Variants in PRRX2 observed in about 807,000 individuals in gnomAD.
PRRX2 encodes the protein paired related homeobox 2.
Under a neutral mutation model 18.0 loss-of-function variants are expected in PRRX2, and 11 were observed. The observed-to-expected ratio is 0.61, with a 90% CI of 0.39 to 1.01. The LOEUF (loss-of-function observed/expected upper bound fraction) is 1.01. Ranked by LOEUF, PRRX2 falls within the 50% of genes least tolerant of loss-of-function variation. PRRX2 has a pLI of 0.01. For synonymous variants in PRRX2, 177 were observed against 154.8 expected (o/e 1.14, Z -1.06); for missense variants, 387 against 351.0 (o/e 1.10, Z -0.82).
chr9:129,674,303 C>G (rs1564144700), intron 1 of PRRX2, among the ~76,000 whole-genome samples: 1 of 152,126 alleles, frequency 6.6e-6, no homozygotes, highest in Non-Finnish European at 1.5e-5. Flanking sequence ...GATATCTTTC[C>G]TTGTGTCCTA....
Position 129,715,726 on chromosome 9 carries a change from A to C in PRRX2, c.260-3505A>C, listed in dbSNP as rs1588175896. ...CCCTCGGTTGAGAAGCAGTGGTCCA[A>C]ACCCAGCTTCAGGGACATCTTTCTC... On this transcript the variant is annotated intron_variant, in intron 1 of 3. Transcript: ENST00000372469. This position sits in a 1 kb window ranked among gnomAD's most constrained non-coding sequence, Gnocchi z 4.0. Among the ~76,000 whole-genome samples, 1 of 146,372 alleles carries C rather than the reference A, an allele frequency of 6.8e-6. No individual in the cohort carries two copies. Among genetic ancestry groups the C allele is most frequent in the Admixed American group, 6.9e-5 (1 of 14,432 alleles).
At chr9:129,705,859 T>C (rs1832550754) in intron 1 of PRRX2, among the ~76,000 whole-genome samples, 1 of 151,512 alleles carries the variant, frequency 6.6e-6, no homozygotes, top group Non-Finnish European at 1.5e-5. Context: ...GTGGATCGCC[T>C]GAGGTCAGGA....
chr9:129,677,786 A>G (rs1832179340), intron 1 of PRRX2, among the ~76,000 whole-genome samples: 1 of 152,218 alleles, frequency 6.6e-6, no homozygotes, highest in South Asian at 2.1e-4. Context: ...TCAGGGCTCA[A>G]AGCGGGAAAT....
At chr9:129,697,698 C>T (rs1042441997) in intron 1 of PRRX2, among the ~76,000 whole-genome samples, 94 of 152,040 alleles carry the variant, frequency 6.2e-4, no homozygotes, top group Non-Finnish European at 1.1e-3. Context: ...AAGCCACCCA[C>T]GAGACGGGTG....
At chr9:129,673,651 G>GCC (rs1419005313) in intron 1 of PRRX2, among the ~76,000 whole-genome samples, 2 of 93,178 alleles carry the variant, frequency 2.1e-5, no homozygotes, top group East Asian at 4.4e-4. Context: ...TACCCCCCAT[G>GCC]CCACACACAC....
chr9:129,720,968 G>A (rs561296532), intron 3 of PRRX2, among the ~76,000 whole-genome samples, 194 bp downstream of exon 3: 2 of 152,250 alleles, frequency 1.3e-5, no homozygotes, highest in Non-Finnish European at 2.9e-5. Flanking sequence ...GCACGTGCAT[G>A]TTGTAAGAGT....
At chr9:129,672,130 GAAGGGGACCTTGGGGGTGATTT>G (rs1332535333) in intron 1 of PRRX2, among the ~76,000 whole-genome samples, 1 of 152,152 alleles carries the variant, frequency 6.6e-6, no homozygotes, top group African/African-American at 2.4e-5. Flanking sequence ...ACCCAGGGTG[GAAGGGGACCTTGGGGGTGATTT>G]AAGGGGACCC....
chr9:129,667,491 T>G (rs987883272), intron 1 of PRRX2, among the ~76,000 whole-genome samples: 1 of 149,952 alleles, frequency 6.7e-6, no homozygotes, highest in Non-Finnish European at 1.5e-5. Context: ...ACTCCAGGGG[T>G]TGGGAAGAGA....
At position 129,665,891 on chromosome 9, in the gene PRRX2, C is replaced by T; in HGVS notation, c.24C>T (p.Phe8=). 3.7e-6 allele frequency: 4 copies of T among 1,081,314 alleles called. No homozygotes were observed. Among genetic ancestry groups the T allele is most frequent in the Non-Finnish European group, 4.5e-6 (4 of 896,854 alleles). 67.0% of individuals were successfully genotyped at this position (1,081,314 alleles called of 1,614,324 possible). A position where few individuals can be genotyped will look rare whatever the true frequency, so the allele number is the denominator to read the frequency against. MDSAAAA[F]ALDKPALGPG... ...GCATGGACAGCGCGGCCGCCGCCTT[C>T]GCCCTGGACAAGCCGGCGCTGGGCC... The change falls in exon 1 of 4, where the codon TTC becomes TTT. Residue 8 remains phenylalanine (F), a synonymous_variant. Coordinates refer to ENST00000372469, the MANE Select transcript of PRRX2 (RefSeq NM_016307.4). This position sits in a 1 kb window ranked among gnomAD's most constrained non-coding sequence, Gnocchi z 5.3.
At chr9:129,722,086 C>T in intron 3 of PRRX2, 131 bp from the exon 4 acceptor site, 1 of 1,322,482 alleles carries the variant, frequency 7.6e-7, no homozygotes, top group Non-Finnish European at 1.0e-6. Context: ...CCAAATCACC[C>T]CCAGTCCTGG....
intron 1 of PRRX2, among the ~76,000 whole-genome samples, chr9:129,711,903 A>C (rs1163119083): frequency 1.3e-5 from 2 of 152,082 alleles, no homozygotes; most frequent in African/African-American, 2.4e-5. Context: ...GTCCTTGCTG[A>C]TGATGCCAGG....
At position 129,704,305 on chromosome 9, in the gene PRRX2, C is replaced by T. The variant is rs139393609; in HGVS notation, c.260-14926C>T. ...ATGTCCTTGGGAGAGCCCTGGGCCA[C>T]GCCATCCTCACTGAGCCACCTGAGA... is the stretch of plus-strand genomic sequence containing the variant. On this transcript the variant is annotated intron_variant, in intron 1 of 3. Transcript: ENST00000372469. Among the ~76,000 whole-genome samples the T allele has an allele frequency of 3.3e-3, 503 of 152,256 alleles. 2 individuals carry two copies. Among genetic ancestry groups the T allele is most frequent in the Non-Finnish European group, 4.9e-3 (334 of 68,012 alleles).
At chr9:129,686,590 C>T (rs1832301750) in intron 1 of PRRX2, among the ~76,000 whole-genome samples, 1 of 152,148 alleles carries the variant, frequency 6.6e-6, no homozygotes, top group Non-Finnish European at 1.5e-5. Flanking sequence ...ACCTCAGCCT[C>T]CTAAAGCTCT....
At chr9:129,684,418 C>T (rs553384327) in intron 1 of PRRX2, among the ~76,000 whole-genome samples, 1 of 105,580 alleles carries the variant, frequency 9.5e-6, no homozygotes, top group East Asian at 2.5e-4. Flanking sequence ...GAGAGACACA[C>T]ACAGATACAA....
intron 1 of PRRX2, among the ~76,000 whole-genome samples, chr9:129,703,278 G>A (rs568448984): frequency 8.1e-4 from 123 of 152,314 alleles, no homozygotes; most frequent in Middle Eastern, 3.4e-3. Context: ...CAATTAAGCC[G>A]CAGGAGTCTG....
intron 3 of PRRX2, among the ~76,000 whole-genome samples, chr9:129,721,876 T>A (rs1037348384): frequency 5.9e-5 from 9 of 151,878 alleles, no homozygotes; most frequent in African/African-American, 9.7e-5. Flanking sequence ...CCACCACGCT[T>A]GGCCCCAAGG....
chr9:129,706,021 C>G (rs1564153153), intron 1 of PRRX2, among the ~76,000 whole-genome samples: 3 of 152,154 alleles, frequency 2.0e-5, no homozygotes, highest in Admixed American at 6.5e-5. Context: ...CCCAGAGACT[C>G]AGGAGATATC....
intron 1 of PRRX2, among the ~76,000 whole-genome samples, chr9:129,692,300 A>T (rs1832370155): frequency 6.6e-6 from 1 of 152,004 alleles, no homozygotes; most frequent in African/African-American, 2.4e-5. Flanking sequence ...AGTTGAGTGG[A>T]AAGTGCAGAG....
chr9:129,716,180 C>T (rs143381709), intron 1 of PRRX2, among the ~76,000 whole-genome samples: 8 of 152,168 alleles, frequency 5.3e-5, no homozygotes, highest in Admixed American at 2.0e-4. Flanking sequence ...AATTCCACTT[C>T]TAGGAATCTG....
Sources: allele counts gnomAD v4.1 joint callset (sites outside exome capture counted in the v4.1 genomes callset), GRCh38; gene constraint gnomAD v4.1.1; non-coding constraint Gnocchi (gnomAD v3.1); transcripts MANE v1.5; gene names NCBI Gene and HGNC (gene_info 2026-07-23, HGNC 2026-07-21).